SUPT3H: variants seen among roughly 807,000 people sequenced by gnomAD.
SUPT3H encodes SPT3 homolog, SAGA and STAGA complex component.
A neutral mutation model predicts 44.3 loss-of-function variants in SUPT3H; 44 were observed. The ratio of observed to expected loss-of-function variants is 0.99; its 90% CI spans 0.78 to 1.28. The LOEUF is 1.28. Ranked by LOEUF, SUPT3H falls within the 50% of genes most tolerant of loss-of-function variation. SUPT3H has a pLI of 0.00. For synonymous variants in SUPT3H, 124 were observed against 125.6 expected, an observed-to-expected ratio of 0.99 and a Z score of 0.09; for missense variants, 380 against 387.1, an observed-to-expected ratio of 0.98 and a Z score of 0.15.
chr6:44,825,528 T>A (rs903905258), downstream of SUPT3H, among the ~76,000 whole-genome samples: 3 of 152,206 alleles, frequency 2.0e-5, no homozygotes, highest in African/African-American at 7.2e-5. Context: ...TAATTCTGCA[T>A]AAGACATTTA....
chr6:45,356,144 G>A lies in SUPT3H; in HGVS notation c.101+9057C>T, dbSNP rs144529996. 2.3e-3 allele frequency among the ~76,000 whole-genome samples: 347 copies of A among 152,138 alleles called. 1 individual carries two copies. The highest frequency in any genetic ancestry group is 8.0e-3 in the African/African-American group (333 of 41,506). ...CTCTATTCTGTCATAGGAAAAAAATGTTATGCCAATTAGAAAACTTTCTAA... is the reference window on the plus strand; with the variant it reads ...CTCTATTCTGTCATAGGAAAAAAATATTATGCCAATTAGAAAACTTTCTAA... On this transcript the variant is annotated intron_variant, in intron 2 of 10. Transcript: ENST00000371459.
chr6:45,036,020 GAA>G (rs1787618372), intron 3 of SUPT3H, among the ~76,000 whole-genome samples: 2 of 152,078 alleles, frequency 1.3e-5, no homozygotes, highest in Non-Finnish European at 1.5e-5. Context: ...CACAATGGAT[GAA>G]AAGAGACCAT....
chr6:44,882,979 A>G (rs1330471969), intron 10 of SUPT3H, among the ~76,000 whole-genome samples: 1 of 152,222 alleles, frequency 6.6e-6, no homozygotes, highest in Admixed American at 6.5e-5. Flanking sequence ...CCAGTGCAAG[A>G]CAAGGATGGC....
At chr6:45,135,727 C>T (rs1276321003) in intron 2 of SUPT3H, among the ~76,000 whole-genome samples, 1 of 152,170 alleles carries the variant, frequency 6.6e-6, no homozygotes, top group Non-Finnish European at 1.5e-5. Context: ...TCCAAGAGGG[C>T]CTTCACCAGA....
intron 3 of SUPT3H, among the ~76,000 whole-genome samples, chr6:45,038,364 A>G (rs1292370559): frequency 6.6e-6 from 1 of 152,204 alleles, no homozygotes; most frequent in Non-Finnish European, 1.5e-5. Flanking sequence ...ACAAGTTGTA[A>G]AATCAAAATG....
intron 2 of SUPT3H, among the ~76,000 whole-genome samples, chr6:45,135,657 A>C (rs1804161803): frequency 6.6e-6 from 1 of 151,662 alleles, no homozygotes; most frequent in Admixed American, 6.5e-5. Flanking sequence ...CTTATAAAAG[A>C]AACCACAGTT....
chr6:44,937,592 T>A lies in SUPT3H; in HGVS notation c.802-4829A>T, dbSNP rs189603128. Among the ~76,000 whole-genome samples, 697 of 152,224 alleles carry A rather than the reference T, an allele frequency of 4.6e-3. 2 individuals are homozygous for A. Among genetic ancestry groups the A allele is most frequent in the Non-Finnish European group, 7.4e-3 (504 of 68,002 alleles). ...CCTTTTCTCCATATCCTCACCAACA[T>A]GTTATTTTCTCTTTTTAATAATAGC... On this transcript the variant is annotated intron_variant, in intron 9 of 10. Coordinates refer to ENST00000371459, the MANE Select transcript of SUPT3H (RefSeq NM_003599.4).
intron 2 of SUPT3H, among the ~76,000 whole-genome samples, chr6:45,194,701 A>G (rs1477863478): frequency 6.6e-6 from 1 of 152,198 alleles, no homozygotes; most frequent in Non-Finnish European, 1.5e-5. Flanking sequence ...CTAATAAAAA[A>G]TACACTACGG....
chr6:44,867,433 G>C (rs138158226), intron 10 of SUPT3H, among the ~76,000 whole-genome samples: 84 of 152,114 alleles, frequency 5.5e-4, no homozygotes, highest in African/African-American at 1.9e-3. Context: ...TCACAATAAA[G>C]GGCTACCAAA....
intron 9 of SUPT3H, among the ~76,000 whole-genome samples, chr6:44,942,141 A>G (rs1282362652): frequency 6.6e-6 from 1 of 152,224 alleles, no homozygotes; most frequent in Admixed American, 6.5e-5. Flanking sequence ...TTATGTATAC[A>G]TATCACTAGG....
At chr6:44,885,675 G>A (rs144148408) in intron 10 of SUPT3H, among the ~76,000 whole-genome samples, 3,746 of 152,252 alleles carry the variant, frequency 0.025, 167 homozygotes, top group African/African-American at 0.084. Flanking sequence ...AAAAAACAGA[G>A]CAGAAAAACT....
intron 2 of SUPT3H, among the ~76,000 whole-genome samples, chr6:45,150,789 C>G (rs1285013774): frequency 1.6e-5 from 2 of 128,950 alleles, no homozygotes; most frequent in Non-Finnish European, 3.1e-5. Context: ...GTGGCACAAT[C>G]TCGGCTCACT....
At chr6:45,330,339 G>GTTAC (rs1220183082) in intron 2 of SUPT3H, among the ~76,000 whole-genome samples, 1 of 151,802 alleles carries the variant, frequency 6.6e-6, no homozygotes, top group East Asian at 1.9e-4. Flanking sequence ...CGAAAGTTTT[G>GTTAC]TTACTACTAC....
chr6:44,958,899 G>A lies in SUPT3H; in HGVS notation c.580+2854C>T, dbSNP rs1446092185. 4.0e-5 allele frequency among the ~76,000 whole-genome samples: 4 copies of A among 98,812 alleles called. No individual in the cohort carries two copies. In the East Asian group the frequency reaches 1.3e-3, roughly 33 times the overall value. 64.8% of individuals were successfully genotyped at this position (98,812 alleles called of 152,430 possible). A position where few individuals can be genotyped will look rare whatever the true frequency, so the allele number is the denominator to read the frequency against. Reference sequence around the variant, plus strand: ...TTTTTTTTTTTTTTTTTTTTGAGACGAGTCTCACCCTGTCCCCCAGGCTGA... The same window carrying A: ...TTTTTTTTTTTTTTTTTTTTGAGACAAGTCTCACCCTGTCCCCCAGGCTGA... On this transcript the variant is annotated intron_variant, in intron 7 of 10. Transcript: ENST00000371459.
intron 2 of SUPT3H, among the ~76,000 whole-genome samples, chr6:45,345,345 T>C (rs924168330): frequency 6.6e-6 from 1 of 152,172 alleles, no homozygotes; most frequent in African/African-American, 2.4e-5. Flanking sequence ...GGGACTTTAT[T>C]ATATGCATCT....
intron 10 of SUPT3H, among the ~76,000 whole-genome samples, chr6:44,914,116 CA>C (rs1297620699): frequency 8.5e-5 from 13 of 152,056 alleles, no homozygotes; most frequent in Non-Finnish European, 1.5e-4. Context: ...CTGTCAGGAA[CA>C]AATAGGTAGA....
intron 3 of SUPT3H, among the ~76,000 whole-genome samples, chr6:45,081,978 C>T (rs2153558751): frequency 6.6e-6 from 1 of 152,066 alleles, no homozygotes; most frequent in South Asian, 2.1e-4. Flanking sequence ...TTAAATAAAG[C>T]CAATCAACTT....
At chr6:45,031,421 A>C (rs1478155597) in intron 3 of SUPT3H, among the ~76,000 whole-genome samples, 3 of 152,180 alleles carry the variant, frequency 2.0e-5, no homozygotes, top group African/African-American at 4.8e-5. Context: ...CTTTCTTGTA[A>C]AATGTAAGCT....
intron 2 of SUPT3H, among the ~76,000 whole-genome samples, chr6:45,334,934 T>C (rs559256124): frequency 4.0e-5 from 6 of 151,394 alleles, no homozygotes; most frequent in African/African-American, 1.4e-4. Context: ...CCAAAGATGT[T>C]ATTTTCCAGT....
Sources: allele counts gnomAD v4.1 joint callset (sites outside exome capture counted in the v4.1 genomes callset), GRCh38; gene constraint gnomAD v4.1.1; transcripts MANE v1.5; gene names NCBI Gene and HGNC (gene_info 2026-07-23, HGNC 2026-07-21).